Variants in DIAPH3 observed in about 807,000 individuals in gnomAD.
The protein encoded by DIAPH3 is diaphanous related formin 3.
In DIAPH3, 117 loss-of-function variants were observed where a neutral mutation model predicts 144.3. The ratio of observed to expected loss-of-function variants is 0.81; its 90% CI spans 0.70 to 0.95. The LOEUF is 0.95. DIAPH3 is among the 40% of genes least tolerant of loss of function. The pLI, the probability that DIAPH3 is intolerant of heterozygous loss-of-function variation, is 0.00. For synonymous variants in DIAPH3, 519 were observed against 488.9 expected (o/e 1.06, Z -0.81); for missense variants, 1,421 against 1,412.7 (o/e 1.01, Z -0.09).
At chr13:60,156,935 A>ATTTTT (rs1952053424) in intron 1 of DIAPH3, among the ~76,000 whole-genome samples, 3 of 52,488 alleles carry the variant, frequency 5.7e-5, no homozygotes, top group African/African-American at 2.6e-4. Context: ...ATATATATAT[A>ATTTTT]TATATTTTTT....
At chr13:60,161,128 T>C (rs990421308) in intron 1 of DIAPH3, among the ~76,000 whole-genome samples, 2 of 152,128 alleles carry the variant, frequency 1.3e-5, no homozygotes, top group African/African-American at 4.8e-5. Flanking sequence ...GCCACCTAAA[T>C]TACTCCTATC....
chr13:60,059,218 G>T (rs1394331396), intron 4 of DIAPH3, among the ~76,000 whole-genome samples: 2 of 151,648 alleles, frequency 1.3e-5, no homozygotes, highest in African/African-American at 2.4e-5. Flanking sequence ...CAGGAGAGAA[G>T]CAGTCTTGAA....
At chr13:59,744,612 A>T (rs775260194) in intron 27 of DIAPH3, among the ~76,000 whole-genome samples, 1 of 152,120 alleles carries the variant, frequency 6.6e-6, no homozygotes, top group Non-Finnish European at 1.5e-5. Flanking sequence ...TGGCCCAGGG[A>T]AGCCAAAAGA....
chr13:59,686,957 G>A (rs2033249725), intron 27 of DIAPH3, among the ~76,000 whole-genome samples: 1 of 152,082 alleles, frequency 6.6e-6, no homozygotes, highest in Non-Finnish European at 1.5e-5. Context: ...AGCCATGGAG[G>A]TGCTAGGGGT....
chr13:59,769,124 T>G (rs2037995399), intron 27 of DIAPH3, among the ~76,000 whole-genome samples: 1 of 152,116 alleles, frequency 6.6e-6, no homozygotes, highest in Admixed American at 6.6e-5. Context: ...AAGGTGTGGT[T>G]CAACAATTCA....
chr13:59,804,344 T>G (rs2040085836), intron 25 of DIAPH3, among the ~76,000 whole-genome samples: 6 of 152,176 alleles, frequency 3.9e-5, no homozygotes, highest in Admixed American at 3.3e-4. Flanking sequence ...TGGTCCCTTT[T>G]TCCTGTACCA....
chr13:59,994,107 T>C (rs978870631), intron 9 of DIAPH3, among the ~76,000 whole-genome samples: 1 of 151,872 alleles, frequency 6.6e-6, no homozygotes, highest in Non-Finnish European at 1.5e-5. Context: ...CCGGGAACTA[T>C]TCAAAAAGGT....
intron 3 of DIAPH3, among the ~76,000 whole-genome samples, chr13:60,111,194 G>A (rs1338305580): frequency 1.3e-5 from 2 of 152,152 alleles, no homozygotes; most frequent in Non-Finnish European, 2.9e-5. Context: ...ACTGAAGAGA[G>A]TTACCTTCAT....
chr13:60,088,352 C>T (rs754936489), intron 4 of DIAPH3, among the ~76,000 whole-genome samples: 5 of 152,250 alleles, frequency 3.3e-5, no homozygotes, highest in Middle Eastern at 3.4e-3. Context: ...CACAAAGGAC[C>T]AGACATCTTT....
At chr13:59,911,928 G>T in intron 19 of DIAPH3, 92 bp from the exon 20 acceptor site, 1 of 1,013,702 alleles carries the variant, frequency 9.9e-7, no homozygotes, top group African/African-American at 1.6e-5. Context: ...GAAAACCAGT[G>T]AAGTTAATCT....
intron 10 of DIAPH3, 89 bp downstream of exon 10, chr13:59,992,384 A>C (rs923960682): frequency 1.7e-6 from 2 of 1,211,642 alleles, no homozygotes; most frequent in Non-Finnish European, 2.3e-6. Context: ...CCACAGATAA[A>C]TTATTCTTCA....
intron 20 of DIAPH3, among the ~76,000 whole-genome samples, chr13:59,893,726 G>A (rs941105768): frequency 2.0e-5 from 3 of 152,074 alleles, no homozygotes; most frequent in Non-Finnish European, 4.4e-5. Context: ...TAATGAACAA[G>A]AGAACCTTTT....
At chr13:59,818,442 T>A (rs2040892748) in intron 24 of DIAPH3, among the ~76,000 whole-genome samples, 1 of 151,896 alleles carries the variant, frequency 6.6e-6, no homozygotes, top group South Asian at 2.1e-4. Context: ...CTGTATCTAA[T>A]TGTTGTTGCT....
At chr13:59,875,122 C>A (rs555755217) in intron 21 of DIAPH3, among the ~76,000 whole-genome samples, 42 of 152,186 alleles carry the variant, frequency 2.8e-4, no homozygotes, top group African/African-American at 9.9e-4. Flanking sequence ...CAGATACAAA[C>A]TTTTCTAGGT....
At chr13:59,845,055 T>C (rs7988046) in intron 22 of DIAPH3, among the ~76,000 whole-genome samples, 2 of 152,066 alleles carry the variant, frequency 1.3e-5, no homozygotes, top group African/African-American at 4.8e-5. Flanking sequence ...TTTCCTTTTT[T>C]TTCTTTTTGA....
rs71197276 is a variant in DIAPH3 at position 59,749,209 on chromosome 13, C to CAAAAA, written c.3319+24975_3319+24979dup. 1.3e-3 allele frequency among the ~76,000 whole-genome samples: 32 copies of CAAAAA among 25,100 alleles called. 1 individual carries two copies. Among genetic ancestry groups the CAAAAA allele is most frequent in the Admixed American group, 1.8e-3 (3 of 1,710 alleles). 16.5% of individuals were successfully genotyped at this position (25,100 alleles called of 152,430 possible). A position where few individuals can be genotyped will look rare whatever the true frequency, so the allele number is the denominator to read the frequency against. ...AGCCTAGGTGACTGAGACTCTGTCT[C>CAAAAA]AAAAAAAAAAAAAAAAAAAAAAAAA... On this transcript the variant is annotated intron_variant, in intron 27 of 27. Transcript: ENST00000400324.
chr13:59,752,766 ATAATATT>A (rs1330929942), intron 27 of DIAPH3, among the ~76,000 whole-genome samples: 1 of 152,234 alleles, frequency 6.6e-6, no homozygotes, highest in Non-Finnish European at 1.5e-5. Context: ...GCATGTAAGA[ATAATATT>A]TAATTTAATC....
At chr13:60,059,711 A>C (rs140087441) in intron 4 of DIAPH3, among the ~76,000 whole-genome samples, 4 of 152,132 alleles carry the variant, frequency 2.6e-5, no homozygotes, top group Middle Eastern at 3.4e-3. Context: ...GGAGCTGATT[A>C]AACAAACATG....
At chr13:60,141,973 T>G (rs529953291) in intron 1 of DIAPH3, among the ~76,000 whole-genome samples, 1 of 151,998 alleles carries the variant, frequency 6.6e-6, no homozygotes, top group African/African-American at 2.4e-5. Context: ...GTGTTTGCAA[T>G]AGAAAAAACA....
Sources: gnomAD v4.1 joint callset for allele counts (sites outside exome capture counted in the v4.1 genomes callset) on GRCh38, gnomAD v4.1.1 for gene constraint, MANE v1.5 for transcripts, NCBI Gene and HGNC (gene_info 2026-07-23, HGNC 2026-07-21) for gene names.